Variants in TRPM3 observed in about 807,000 individuals in gnomAD.
The protein encoded by TRPM3 is transient receptor potential cation channel subfamily M member 3.
A neutral mutation model predicts 181.2 loss-of-function variants in TRPM3; 77 were observed. The ratio of observed to expected loss-of-function variants is 0.42; its 90% CI spans 0.35 to 0.51. TRPM3 has a LOEUF of 0.51. Ranked by LOEUF, TRPM3 falls within the 20% of genes least tolerant of loss-of-function variation. TRPM3 has a pLI of 0.01. For missense variants in TRPM3, 1,759 were observed against 2,196.7 expected, an observed-to-expected ratio of 0.80 and a Z score of 3.98; for synonymous variants, 745 against 796.4, an observed-to-expected ratio of 0.94 and a Z score of 1.09.
chr9:71,064,326 G>A, intron 1 of TRPM3, among the ~76,000 whole-genome samples: 1 of 152,122 alleles, frequency 6.6e-6, no homozygotes, highest in African/African-American at 2.4e-5. Context: ...GAAATGCTTG[G>A]AGATAAAATT....
intron 9 of TRPM3, among the ~76,000 whole-genome samples, chr9:70,649,457 G>C (rs899135774): frequency 1.3e-5 from 2 of 152,072 alleles, no homozygotes; most frequent in African/African-American, 4.8e-5. Flanking sequence ...CTAAAGTGCT[G>C]GGATTACAGG....
chr9:70,804,282 A>T (rs570389867), intron 6 of TRPM3, among the ~76,000 whole-genome samples: 1 of 152,286 alleles, frequency 6.6e-6, no homozygotes, highest in African/African-American at 2.4e-5. Flanking sequence ...CTGAGCCGAG[A>T]TTGCACTACT....
intron 7 of TRPM3, among the ~76,000 whole-genome samples, chr9:70,766,277 C>T (rs1471167587): frequency 6.6e-6 from 1 of 152,116 alleles, no homozygotes; most frequent in Non-Finnish European, 1.5e-5. Flanking sequence ...CAATATAACC[C>T]ACACATACAA....
intron 22 of TRPM3, among the ~76,000 whole-genome samples, chr9:70,588,115 T>A (rs1402747390): frequency 2.0e-5 from 3 of 152,242 alleles, no homozygotes; most frequent in Non-Finnish European, 4.4e-5. Context: ...TAAATTATGT[T>A]GTGACTTTAC....
chr9:71,139,351 A>C (rs1161637561), intron 1 of TRPM3, among the ~76,000 whole-genome samples: 1 of 152,240 alleles, frequency 6.6e-6, no homozygotes, highest in Non-Finnish European at 1.5e-5. Context: ...TTCAATCTTA[A>C]TTCCTAGAGA....
rs2093755454 is a variant in TRPM3, at chr9:71,420,977, GAGAGAGAAAAAGAGAGAGAAAA to G, written c.183+25654_183+25675del. Reference sequence around the variant, plus strand: ...AGGGAGAGAAAAAGGGAGAGAAAAAGAGAGAGAAAAAGAGAGAGAAAAAGAGAGAAAAAGAGAGAAAAAGAGA... The same window carrying G: ...AGGGAGAGAAAAAGGGAGAGAAAAAGAGAGAGAAAAAGAGAGAAAAAGAGA... On this transcript the variant is annotated intron_variant, in intron 1 of 24. Transcript: ENST00000357533. Among the ~76,000 whole-genome samples the G allele has an allele frequency of 1.0e-4, 13 of 123,982 alleles. 1 individual carries two copies. The highest frequency in any genetic ancestry group is 1.7e-4 in the African/African-American group (5 of 29,186). 81.3% of individuals were successfully genotyped at this position (123,982 alleles called of 152,430 possible). A position where few individuals can be genotyped will look rare whatever the true frequency, so the allele number is the denominator to read the frequency against.
Position 71,226,261 on chromosome 9 carries a change from G to A in TRPM3, c.183+220392C>T, listed in dbSNP as rs1426506362. Reference sequence around the variant, plus strand: ...CCTTCATTAAAAGGAAGATGGAAAGGAAAAAAGAAGAAAGAGAAGGTGACA... The same window carrying A: ...CCTTCATTAAAAGGAAGATGGAAAGAAAAAAAGAAGAAAGAGAAGGTGACA... On this transcript the variant is annotated intron_variant, in intron 1 of 24. Transcript: ENST00000357533. Among the ~76,000 whole-genome samples the A allele has an allele frequency of 3.3e-5, 5 of 151,654 alleles. No homozygotes were observed. In the East Asian group the frequency reaches 9.7e-4, roughly 29 times the overall value.
intron 1 of TRPM3, among the ~76,000 whole-genome samples, chr9:71,100,592 C>G (rs2068176681): frequency 6.6e-6 from 1 of 152,244 alleles, no homozygotes; most frequent in Middle Eastern, 3.4e-3. Flanking sequence ...ACCTGGCATA[C>G]AGTAATCATT....
At chr9:70,791,873 T>G (rs570893090) in intron 6 of TRPM3, among the ~76,000 whole-genome samples, 1 of 152,242 alleles carries the variant, frequency 6.6e-6, no homozygotes, top group African/African-American at 2.4e-5. Flanking sequence ...GCATTCTCAG[T>G]GCTCGAGGCA....
intron 1 of TRPM3, among the ~76,000 whole-genome samples, chr9:71,269,742 T>C (rs1194794809): frequency 1.3e-5 from 2 of 152,148 alleles, no homozygotes; most frequent in Non-Finnish European, 2.9e-5. Context: ...ATTTATAAAA[T>C]ATATTTTTGC....
At chr9:70,804,695 CT>C (rs2090208614) in intron 6 of TRPM3, among the ~76,000 whole-genome samples, 1 of 141,848 alleles carries the variant, frequency 7.0e-6, no homozygotes, top group Admixed American at 6.8e-5. Context: ...CTTTCCTCCC[CT>C]CCCCTTCCCT....
chr9:70,701,676 T>A lies in TRPM3; in HGVS notation c.1273-20098A>T, dbSNP rs189895938. Reference sequence around the variant, plus strand: ...TAGCAGGAACATTTTCTAATTATTTTTATTTGATCTCTTTCTGCTAATCTC... The same window carrying A: ...TAGCAGGAACATTTTCTAATTATTTATATTTGATCTCTTTCTGCTAATCTC... On this transcript the variant is annotated intron_variant, in intron 8 of 25. Coordinates refer to ENST00000677713, the MANE Select transcript of TRPM3 (RefSeq NM_001366145.2). Among the ~76,000 whole-genome samples the A allele has an allele frequency of 4.6e-5, 7 of 152,328 alleles. No individual in the cohort carries two copies. In the East Asian group the frequency reaches 1.3e-3, roughly 29 times the overall value.
chr9:70,624,032 CT>C (rs1306025154), intron 14 of TRPM3, among the ~76,000 whole-genome samples: 1 of 152,128 alleles, frequency 6.6e-6, no homozygotes, highest in Non-Finnish European at 1.5e-5. Flanking sequence ...AAAATTCAAA[CT>C]TTTAAGAAAA....
At chr9:71,102,962 G>A (rs2068677706) in intron 1 of TRPM3, among the ~76,000 whole-genome samples, 1 of 152,084 alleles carries the variant, frequency 6.6e-6, no homozygotes, top group Admixed American at 6.6e-5. Context: ...GCCATTTCCT[G>A]ATAAACCAGA....
At chr9:70,660,384 A>G (rs1052038577) in intron 9 of TRPM3, among the ~76,000 whole-genome samples, 5 of 152,174 alleles carry the variant, frequency 3.3e-5, no homozygotes, top group Admixed American at 3.3e-4. Flanking sequence ...TTATCTACCT[A>G]TGACCTAGAA....
intron 1 of TRPM3, among the ~76,000 whole-genome samples, chr9:70,962,234 A>G (rs1481638000): frequency 1.3e-5 from 2 of 152,126 alleles, no homozygotes; most frequent in African/African-American, 4.8e-5. Context: ...GTAAGGTTAT[A>G]GGGGAGAGTG....
intron 1 of TRPM3, among the ~76,000 whole-genome samples, chr9:70,993,784 C>CAAA (rs745913831): frequency 1.5e-5 from 1 of 66,754 alleles, no homozygotes; most frequent in Non-Finnish European, 2.8e-5. Flanking sequence ...GATTCCATCT[C>CAAA]AAAAAAAAAA....
intron 1 of TRPM3, among the ~76,000 whole-genome samples, chr9:71,192,464 A>G (rs761866801): frequency 1.3e-5 from 2 of 151,890 alleles, no homozygotes; most frequent in Non-Finnish European, 2.9e-5. Flanking sequence ...AAAAAGTATG[A>G]GCTGATATCT....
rs569078194 is a variant in TRPM3 at position 70,930,275 on chromosome 9, C to T, written c.178-65764G>A. On this transcript the variant is annotated intron_variant, in intron 1 of 25. Coordinates refer to ENST00000677713, the MANE Select transcript of TRPM3 (RefSeq NM_001366145.2). The stretch of plus-strand genomic sequence containing the variant: ...ACTAAGAGCATGCAGTAAATGGTGG[C>T]TATTTATTATTATCTTTTTCACAAT... Among the ~76,000 whole-genome samples, 226 of 152,230 alleles carry T rather than the reference C, an allele frequency of 1.5e-3. 12 individuals carry two copies. The highest frequency in any genetic ancestry group is 0.015 in the Admixed American group (225 of 15,282).
Sources: gnomAD v4.1 joint callset for allele counts (sites outside exome capture counted in the v4.1 genomes callset) on GRCh38, gnomAD v4.1.1 for gene constraint, MANE v1.5 for transcripts, NCBI Gene and HGNC (gene_info 2026-07-23, HGNC 2026-07-21) for gene names.